The following CAPRIN1 variants were observed in gnomAD, a reference collection of about 807,000 sequenced individuals.
CAPRIN1 encodes the protein cell cycle associated protein 1.
In CAPRIN1, 29 loss-of-function variants were observed where a neutral mutation model predicts 100.9. The ratio of observed to expected loss-of-function variants is 0.29; its 90% CI spans 0.21 to 0.39. The LOEUF is 0.39. Ranked by LOEUF, CAPRIN1 falls within the 10% of genes least tolerant of loss-of-function variation. The pLI is 1.00. For synonymous variants in CAPRIN1, 338 were observed against 307.5 expected (o/e 1.10, Z -1.04); for missense variants, 795 against 876.7 (o/e 0.91, Z 1.18).
chr11:34,058,517 G>A (rs1850503890), intron 2 of CAPRIN1, among the ~76,000 whole-genome samples: 1 of 152,174 alleles, frequency 6.6e-6, no homozygotes, highest in Non-Finnish European at 1.5e-5. Context: ...TAATTATGTA[G>A]AATCAAGTAA....
intron 6 of CAPRIN1, among the ~76,000 whole-genome samples, chr11:34,076,925 G>A (rs779340287): frequency 7.9e-5 from 12 of 152,130 alleles, no homozygotes; most frequent in Middle Eastern, 3.4e-3. Flanking sequence ...AGTAGAGACA[G>A]GGTTTCGCCA....
chr11:34,076,361 G>A lies in CAPRIN1; in HGVS notation c.492G>A (p.Val164=), dbSNP rs778812988. 3 of 1,614,200 alleles carry A rather than the reference G, an allele frequency of 1.9e-6. No individual in the cohort carries two copies. The South Asian group carries it at 3.3e-5, about 18-fold the overall frequency. The part of the protein sequence containing the change: ...YVLDKLGDDE[V]RTDLKQGLNG... ...TGGACAAATTGGGAGATGATGAAGT[G>A]CGGACTGACCTGAAACAAGGTTTGA... Residue 164 remains valine (V), a synonymous_variant, in exon 5 of 19, where the codon GTG becomes GTA. Transcript: ENST00000341394.
chr11:34,087,429 G>A (rs1851170439), intron 11 of CAPRIN1, among the ~76,000 whole-genome samples: 1 of 122,498 alleles, frequency 8.2e-6, no homozygotes, highest in East Asian at 2.0e-4. Context: ...CGCCTCCCGG[G>A]TTCACGCCAT....
chr11:34,055,353 G>A (rs1421375229), intron 2 of CAPRIN1, among the ~76,000 whole-genome samples: 2 of 151,638 alleles, frequency 1.3e-5, no homozygotes, highest in African/African-American at 2.4e-5. Flanking sequence ...GAGAAGTCTC[G>A]CTCTTGTCCG....
intron 7 of CAPRIN1, 105 bp downstream of exon 7, chr11:34,079,870 G>A (rs1850978435): frequency 1.2e-6 from 1 of 838,596 alleles, no homozygotes. Flanking sequence ...ATGTACACTA[G>A]ATTTTATTTT....
chr11:34,091,323 G>A (rs950525203), intron 14 of CAPRIN1, among the ~76,000 whole-genome samples: 2 of 152,124 alleles, frequency 1.3e-5, no homozygotes, highest in Non-Finnish European at 2.9e-5. Context: ...GTCTTGCTCC[G>A]TCGCCCAGGC....
chr11:34,086,403 T>A lies in CAPRIN1; in HGVS notation c.1221T>A (p.Val407=). The A allele has an allele frequency of 1.9e-6, 3 of 1,608,758 alleles. No individual in the cohort carries two copies. Among genetic ancestry groups the A allele is most frequent in the Non-Finnish European group, 2.6e-6 (3 of 1,175,600 alleles). Residue 407 remains valine, a synonymous_variant, in exon 11 of 19, where the codon GTT becomes GTA. Transcript: ENST00000341394. ...PTQNMDMPQL[V]CPPVHSESRL... ...AAAACATGGACATGCCCCAGCTGGTTTGCCCTCCAGGTTAGTAGTGGTACA... is the reference window on the plus strand; with the variant it reads ...AAAACATGGACATGCCCCAGCTGGTATGCCCTCCAGGTTAGTAGTGGTACA...
At chr11:34,091,230 C>T (rs993719404) in intron 14 of CAPRIN1, among the ~76,000 whole-genome samples, 39 of 152,184 alleles carry the variant, frequency 2.6e-4, no homozygotes, top group African/African-American at 8.7e-4. Context: ...AAACATTCAA[C>T]CCTGTTAAAG....
intron 2 of CAPRIN1, among the ~76,000 whole-genome samples, chr11:34,060,189 C>G (rs1203170176): frequency 8.2e-6 from 1 of 122,458 alleles, no homozygotes; most frequent in Non-Finnish European, 1.6e-5. Flanking sequence ...GAGTGATACT[C>G]CATCTCAAAA....
In CAPRIN1 at chr11:34,096,978, G is replaced by A. The variant is rs551952970; in HGVS notation, c.1901-218G>A. Among the ~76,000 whole-genome samples, 3 of 152,250 alleles carry A rather than the reference G, an allele frequency of 2.0e-5. No homozygotes were observed. In the South Asian group the frequency reaches 6.2e-4, roughly 32 times the overall value. On this transcript the variant is annotated intron_variant, in intron 16 of 18. Transcript: ENST00000341394. Reference sequence around the variant, plus strand: ...TTGTTTATTATATTTGTACAGATGTGTGTTTACATGCATAGATGGGTTAAA... The same window carrying A: ...TTGTTTATTATATTTGTACAGATGTATGTTTACATGCATAGATGGGTTAAA...
At chr11:34,090,085 A>G (rs747558616) in intron 12 of CAPRIN1, 94 bp from the exon 13 acceptor site, 153 of 632,180 alleles carry the variant, frequency 2.4e-4, no homozygotes, top group Non-Finnish European at 3.5e-4. Flanking sequence ...AGTTGTATCT[A>G]TTTCTTAGCC....
chr11:34,088,059 G>A (rs1279709891), intron 11 of CAPRIN1, among the ~76,000 whole-genome samples: 2 of 152,126 alleles, frequency 1.3e-5, no homozygotes, highest in Admixed American at 6.5e-5. Context: ...GTGCAGTGGC[G>A]CATTCTTGGC....
chr11:34,083,315 T>A (rs1250639231), intron 9 of CAPRIN1, among the ~76,000 whole-genome samples: 1 of 152,222 alleles, frequency 6.6e-6, no homozygotes, highest in African/African-American at 2.4e-5. Context: ...TTACTGAAAT[T>A]AGGTTGCTCT....
intron 9 of CAPRIN1, among the ~76,000 whole-genome samples, chr11:34,084,869 T>A (rs1851107540): frequency 6.6e-6 from 1 of 152,008 alleles, no homozygotes; most frequent in Non-Finnish European, 1.5e-5. Context: ...ATACAGTGCT[T>A]TGTAGTTAAG....
At chr11:34,053,582 C>T (rs1179239559) in intron 2 of CAPRIN1, 3 of 144,028 alleles carry the variant, frequency 2.1e-5, no homozygotes, top group East Asian at 4.2e-4. Flanking sequence ...GACTGGCCTC[C>T]TTAGGCCCCC....
At chr11:34,078,783 C>T (rs1238394057) in intron 6 of CAPRIN1, among the ~76,000 whole-genome samples, 1 of 152,110 alleles carries the variant, frequency 6.6e-6, no homozygotes, top group African/African-American at 2.4e-5. Flanking sequence ...TCTTTCTTCT[C>T]CCTTGAAACA....
At position 34,080,069 on chromosome 11, in the gene CAPRIN1, G is replaced by T. The variant is rs374820170; in HGVS notation, c.826+304G>T. ...CTCCTGAGCAGCTGTGACTACAGGC[G>T]CCCGCCACCACGCCCGGCTATTTTT... On this transcript the variant is annotated intron_variant, in intron 7 of 18. Transcript: ENST00000341394. Among the ~76,000 whole-genome samples, 4 of 151,952 alleles carry T rather than the reference G, an allele frequency of 2.6e-5. No individual in the cohort carries two copies. In the East Asian group the frequency reaches 7.7e-4, roughly 29 times the overall value.
chr11:34,066,907 C>T (rs1336899263), intron 2 of CAPRIN1, among the ~76,000 whole-genome samples: 1 of 150,894 alleles, frequency 6.6e-6, no homozygotes, highest in Non-Finnish European at 1.5e-5. Flanking sequence ...GCTAGCATTA[C>T]AGGCGTGAGC....
intron 2 of CAPRIN1, among the ~76,000 whole-genome samples, chr11:34,057,162 T>A (rs1850468864): frequency 6.6e-6 from 1 of 152,216 alleles, no homozygotes; most frequent in South Asian, 2.1e-4. Flanking sequence ...TCTTTGACAT[T>A]TAAGATCTCT....
Sources: gnomAD v4.1 joint callset for allele counts (sites outside exome capture counted in the v4.1 genomes callset) on GRCh38, gnomAD v4.1.1 for gene constraint, MANE v1.5 for transcripts, NCBI Gene and HGNC (gene_info 2026-07-23, HGNC 2026-07-21) for gene names.